Variants in FHIT observed in about 807,000 individuals in gnomAD.
FHIT encodes the protein bis(5'-adenosyl)-triphosphatase.
Under a neutral mutation model 17.9 loss-of-function variants are expected in FHIT, and 19 were observed. The observed-to-expected ratio is 1.06, with a 90% confidence interval of 0.74 to 1.56. FHIT has a LOEUF of 1.56. FHIT is among the 40% of genes most tolerant of loss of function. FHIT has a pLI of 0.00. For synonymous variants in FHIT, 81 were observed against 69.7 expected, an observed-to-expected ratio of 1.16 and a Z score of -0.81; for missense variants, 248 against 189.2, an observed-to-expected ratio of 1.31 and a Z score of -1.82.
chr3:60,396,824 G>C (rs975325619), intron 5 of FHIT, among the ~76,000 whole-genome samples: 1 of 151,912 alleles, frequency 6.6e-6, no homozygotes, highest in Non-Finnish European at 1.5e-5. Flanking sequence ...ATTTCAAAAT[G>C]AAAAAATAGA....
chr3:61,020,255 T>C (rs1341695155), intron 3 of FHIT, among the ~76,000 whole-genome samples: 1 of 152,230 alleles, frequency 6.6e-6, no homozygotes, highest in Non-Finnish European at 1.5e-5. Flanking sequence ...TGGTATCTCA[T>C]TGTAGTTCTG....
intron 5 of FHIT, among the ~76,000 whole-genome samples, chr3:60,051,086 G>C (rs1323025005): frequency 6.6e-6 from 1 of 152,170 alleles, no homozygotes; most frequent in Non-Finnish European, 1.5e-5. Context: ...CTCTGCTAAA[G>C]TAAGGAAGTA....
At chr3:61,050,736 T>C (rs2033994163) in intron 2 of FHIT, among the ~76,000 whole-genome samples, 1 of 152,238 alleles carries the variant, frequency 6.6e-6, no homozygotes. Context: ...TGGGTGTTCA[T>C]TATGCTATTA....
intron 3 of FHIT, among the ~76,000 whole-genome samples, chr3:60,929,520 G>A (rs1430538368): frequency 1.3e-5 from 2 of 152,060 alleles, no homozygotes; most frequent in African/African-American, 2.4e-5. Context: ...AAAGTCTCAG[G>A]ATACAAAATC....
chr3:59,969,270 T>C (rs896921754), intron 7 of FHIT, among the ~76,000 whole-genome samples: 4 of 152,140 alleles, frequency 2.6e-5, no homozygotes, highest in African/African-American at 9.7e-5. Flanking sequence ...TATTCAAAAA[T>C]ACAAATTAAT....
intron 5 of FHIT, among the ~76,000 whole-genome samples, chr3:60,220,385 T>C (rs183563255): frequency 1.3e-5 from 2 of 152,216 alleles, no homozygotes; most frequent in East Asian, 1.9e-4. Flanking sequence ...CAAAGGGTTA[T>C]TATTAAAGTT....
At chr3:60,205,293 T>C (rs1446595626) in intron 5 of FHIT, among the ~76,000 whole-genome samples, 2 of 152,062 alleles carry the variant, frequency 1.3e-5, no homozygotes, top group African/African-American at 4.8e-5. Context: ...TAATATTCCA[T>C]TTTTGTAAAA....
intron 2 of FHIT, among the ~76,000 whole-genome samples, chr3:61,167,628 C>CAAAAAA (rs34229498): frequency 2.0e-5 from 2 of 98,962 alleles, no homozygotes; most frequent in Non-Finnish European, 4.2e-5. Flanking sequence ...AACTGTGTCT[C>CAAAAAA]AAAAAAAAAA....
chr3:60,625,916 T>C (rs145220173), intron 4 of FHIT, among the ~76,000 whole-genome samples: 288 of 152,364 alleles, frequency 1.9e-3, no homozygotes, highest in Non-Finnish European at 3.3e-3. Context: ...ATAATCTTTG[T>C]ATATGGGGTC....
At chr3:60,253,625 G>A (rs955673772) in intron 5 of FHIT, among the ~76,000 whole-genome samples, 80 of 152,158 alleles carry the variant, frequency 5.3e-4, no homozygotes, top group African/African-American at 1.8e-3. Context: ...GATTACCTGA[G>A]GTTCTTCTCT....
intron 3 of FHIT, among the ~76,000 whole-genome samples, chr3:60,968,446 C>A (rs1208070754): frequency 6.9e-6 from 1 of 145,314 alleles, no homozygotes; most frequent in African/African-American, 2.6e-5. Flanking sequence ...GAGATGGAGT[C>A]TCACTCTGTC....
intron 8 of FHIT, among the ~76,000 whole-genome samples, chr3:59,788,879 A>ATTTTTTTTTTTTTTTTTTTTTT (rs896400961): frequency 9.1e-4 from 3 of 3,308 alleles, no homozygotes; most frequent in South Asian, 0.01. Context: ...CTGAGTTCAT[A>ATTTTTTTTTTTTTTTTTTTTTT]TGTTTTTTTT....
chr3:59,935,334 G>C (rs559140612), intron 7 of FHIT, among the ~76,000 whole-genome samples: 2 of 152,104 alleles, frequency 1.3e-5, no homozygotes, highest in African/African-American at 4.8e-5. Flanking sequence ...AAAATTATAA[G>C]TGTTCTTCCT....
Position 60,320,596 on chromosome 3 carries a change from C to T in FHIT, c.103+216264G>A, listed in dbSNP as rs562251902. Among the ~76,000 whole-genome samples the T allele has an allele frequency of 2.6e-5, 4 of 152,302 alleles. No individual in the cohort carries two copies. In the East Asian group the frequency reaches 7.7e-4, roughly 29 times the overall value. On this transcript the variant is annotated intron_variant, in intron 5 of 9. Transcript: ENST00000492590. The stretch of plus-strand genomic sequence containing the variant: ...GAAAAATGGTATGCTCTGAATGTCA[C>T]ATTCGAATTGGGTAGCAATTATCTT...
intron 4 of FHIT, among the ~76,000 whole-genome samples, chr3:60,594,606 T>G (rs1184210258): frequency 2.6e-5 from 4 of 151,902 alleles, no homozygotes; most frequent in Non-Finnish European, 5.9e-5. Context: ...TGAATCCTCC[T>G]CCTCCCTTCC....
At chr3:60,094,493 G>A (rs151187615) in intron 5 of FHIT, among the ~76,000 whole-genome samples, 2 of 152,184 alleles carry the variant, frequency 1.3e-5, no homozygotes, top group African/African-American at 2.4e-5. Flanking sequence ...AAATTAAATA[G>A]AACAATACTG....
chr3:60,540,266 T>C (rs1449407117), intron 4 of FHIT, among the ~76,000 whole-genome samples: 9 of 152,208 alleles, frequency 5.9e-5, no homozygotes, highest in African/African-American at 2.2e-4. Flanking sequence ...CATCTTTTCA[T>C]CAGTATCCTT....
intron 3 of FHIT, among the ~76,000 whole-genome samples, chr3:60,944,893 C>T (rs1383202368): frequency 1.4e-4 from 21 of 152,118 alleles, no homozygotes; most frequent in African/African-American, 5.1e-4. Context: ...AATACTTCAT[C>T]AATAAACAGT....
intron 8 of FHIT, among the ~76,000 whole-genome samples, chr3:59,857,428 T>C (rs1479188355): frequency 2.6e-5 from 4 of 152,144 alleles, no homozygotes; most frequent in Non-Finnish European, 5.9e-5. Context: ...GTTCCTGACA[T>C]ATAAGATTTA....
Sources: allele counts gnomAD v4.1 joint callset (sites outside exome capture counted in the v4.1 genomes callset), GRCh38; gene constraint gnomAD v4.1.1; transcripts MANE v1.5; gene names NCBI Gene and HGNC (gene_info 2026-07-23, HGNC 2026-07-21).